The following CACNA1I variants were observed in gnomAD, a reference collection of about 807,000 sequenced individuals.
The protein encoded by CACNA1I is calcium voltage-gated channel subunit alpha1 I.
In CACNA1I, 74 loss-of-function variants were observed where a neutral mutation model predicts 201.6. The observed-to-expected ratio is 0.37, with a 90% CI of 0.30 to 0.45. CACNA1I has a LOEUF of 0.45. CACNA1I is among the 20% of genes least tolerant of loss of function. The pLI, the probability that CACNA1I is intolerant of heterozygous loss-of-function variation, is 1.00. For synonymous variants in CACNA1I, 1,431 were observed against 1,345.2 expected (o/e 1.06, Z -1.40); for missense variants, 2,346 against 3,138.1 (o/e 0.75, Z 6.03).
chr22:39,651,511 A>T (rs941888802), intron 10 of CACNA1I, among the ~76,000 whole-genome samples: 4 of 152,160 alleles, frequency 2.6e-5, no homozygotes, highest in African/African-American at 9.7e-5. Context: ...CAGGGCCCCC[A>T]GGACCCCCTT....
chr22:39,574,590 G>A (rs983038757), intron 1 of CACNA1I, among the ~76,000 whole-genome samples: 1 of 152,122 alleles, frequency 6.6e-6, no homozygotes, highest in Admixed American at 6.5e-5. Context: ...GCTTAAGCTT[G>A]TACTCCTCAA....
At chr22:39,682,767 T>A in intron 35 of CACNA1I, 106 bp downstream of exon 35, 1 of 939,858 alleles carries the variant, frequency 1.1e-6, no homozygotes. Flanking sequence ...CAGATTATTA[T>A]ATTTAGTCCA....
intron 1 of CACNA1I, among the ~76,000 whole-genome samples, chr22:39,588,313 G>C (rs917052702): frequency 1.3e-5 from 2 of 149,112 alleles, no homozygotes; most frequent in African/African-American, 4.9e-5. Flanking sequence ...ATTTTTTATT[G>C]AGGTTAAATG....
chr22:39,670,553 C>A (rs1423697609), intron 25 of CACNA1I, among the ~76,000 whole-genome samples: 1 of 152,208 alleles, frequency 6.6e-6, no homozygotes, highest in African/African-American at 2.4e-5. Context: ...AGAGCTCCTG[C>A]CACAAGCTCA....
chr22:39,658,870 C>T (rs1934906460), intron 11 of CACNA1I, 61 bp from the exon 12 acceptor site: 16 of 1,404,314 alleles, frequency 1.1e-5, no homozygotes, highest in African/African-American at 1.4e-5. Context: ...GTCTTCCTCT[C>T]CCCCTGGCCT....
At chr22:39,585,854 C>T (rs1371575738) in intron 1 of CACNA1I, among the ~76,000 whole-genome samples, 1 of 150,564 alleles carries the variant, frequency 6.6e-6, no homozygotes, top group Non-Finnish European at 1.5e-5. Context: ...CACCACTGCA[C>T]CTGGTTTACT....
intron 1 of CACNA1I, among the ~76,000 whole-genome samples, chr22:39,575,664 C>A (rs1932320887): frequency 6.6e-6 from 1 of 152,188 alleles, no homozygotes; most frequent in African/African-American, 2.4e-5. Flanking sequence ...GCTAATCGAG[C>A]CTGCCGGCAT....
chr22:39,597,257 C>A (rs1212572271), intron 1 of CACNA1I, among the ~76,000 whole-genome samples: 1 of 152,172 alleles, frequency 6.6e-6, no homozygotes, highest in Non-Finnish European at 1.5e-5. Flanking sequence ...CAGCCCTGAG[C>A]TCCTTGAGGC....
intron 10 of CACNA1I, among the ~76,000 whole-genome samples, chr22:39,655,867 C>T (rs889573413): frequency 5.3e-5 from 8 of 152,196 alleles, no homozygotes; most frequent in Admixed American, 3.3e-4. Flanking sequence ...GGAGGAGGCG[C>T]GGGGTGACCT....
intron 4 of CACNA1I, among the ~76,000 whole-genome samples, chr22:39,627,840 C>T (rs1216831385): frequency 6.6e-6 from 1 of 151,684 alleles, no homozygotes; most frequent in African/African-American, 2.4e-5. Flanking sequence ...AAAGGCCTGA[C>T]AGCCCCCATG....
rs1935639822 is a variant in CACNA1I at position 39,679,831 on chromosome 22, C to T, written c.5504C>T (p.Pro1835Leu). 6.2e-7 allele frequency: 1 copy of T among 1,612,924 alleles called. No individual in the cohort carries two copies. Among genetic ancestry groups the T allele is most frequent in the Non-Finnish European group, 8.5e-7 (1 of 1,179,546 alleles). The change falls in exon 33 of 37, where the codon CCT (proline) becomes CTT (leucine). Residue 1835 changes from proline to leucine, a missense_variant. Coordinates refer to ENST00000402142, the MANE Select transcript of CACNA1I (RefSeq NM_021096.4). ...TCCATCTTCCACCACTACTCCTCGC[C>T]TGCCGGCTGCAAGAAGTGTCACCAC... is the stretch of plus-strand genomic sequence containing the variant. ...SGSIFHHYSS[P>L]AGCKKCHHDK...
intron 1 of CACNA1I, chr22:39,571,219 G>A: frequency 1.7e-6 from 1 of 579,048 alleles, no homozygotes; most frequent in Non-Finnish European, 3.1e-6. Context: ...GCTGGTGGCT[G>A]TGGGGTCAGT....
At chr22:39,653,909 G>A (rs1382676359) in intron 10 of CACNA1I, among the ~76,000 whole-genome samples, 1 of 152,212 alleles carries the variant, frequency 6.6e-6, no homozygotes, top group Non-Finnish European at 1.5e-5. Context: ...GGGCCTGTGT[G>A]TGACTCACGA....
In CACNA1I at chr22:39,600,541, A is replaced by C; in HGVS notation, c.370A>C (p.Ile124Leu). 1 of 1,611,790 alleles carries C rather than the reference A, an allele frequency of 6.2e-7. No homozygotes were observed. The highest frequency in any genetic ancestry group is 8.5e-7 in the Non-Finnish European group (1 of 1,179,038). ...GCAGGTCTTTGATGACTTCATCTTT[A>C]TCTTCTTTGCCATGGAGATGGTGCT... ...ILQVFDDFIFIFFAMEMVLKM... is the reference protein window; with the variant it reads ...ILQVFDDFIFLFFAMEMVLKM... The change falls in exon 3 of 37, where the codon ATC becomes CTC. Residue 124 changes from isoleucine to leucine, a missense_variant. Transcript: ENST00000402142.
chr22:39,581,168 C>A lies in CACNA1I; in HGVS notation c.236+10180C>A, dbSNP rs1190813015. On this transcript the variant is annotated intron_variant, in intron 1 of 36. Coordinates refer to ENST00000402142, the MANE Select transcript of CACNA1I (RefSeq NM_021096.4). Reference sequence around the variant, plus strand: ...TGGGGATGCCACAGGAGCCTCCTCCCATGAAGAAGGAAGCCTCAGAGCTAG... The same window carrying A: ...TGGGGATGCCACAGGAGCCTCCTCCAATGAAGAAGGAAGCCTCAGAGCTAG... 2.0e-5 allele frequency among the ~76,000 whole-genome samples: 3 copies of A among 152,148 alleles called. No individual in the cohort carries two copies. In the South Asian group the frequency reaches 6.2e-4, roughly 31 times the overall value.
chr22:39,681,415 G>C (rs1274745586), intron 34 of CACNA1I, among the ~76,000 whole-genome samples: 1 of 152,224 alleles, frequency 6.6e-6, no homozygotes, highest in Non-Finnish European at 1.5e-5. Flanking sequence ...CTATGTGCGG[G>C]GGCGGTCGCG....
intron 35 of CACNA1I, 85 bp downstream of exon 35, chr22:39,682,746 G>A (rs530726309): frequency 1.2e-5 from 14 of 1,194,018 alleles, no homozygotes; most frequent in Admixed American, 5.2e-5. Flanking sequence ...TTTTTCCTTA[G>A]TATTTTTACC....
intron 4 of CACNA1I, among the ~76,000 whole-genome samples, chr22:39,626,919 C>T (rs1244668340): frequency 6.6e-6 from 1 of 152,232 alleles, no homozygotes; most frequent in Non-Finnish European, 1.5e-5. Context: ...ATTTCATCTT[C>T]ACTACAGCTT....
At chr22:39,613,544 A>G (rs552026556) in intron 3 of CACNA1I, among the ~76,000 whole-genome samples, 3 of 152,296 alleles carry the variant, frequency 2.0e-5, no homozygotes, top group African/African-American at 7.2e-5. Flanking sequence ...GTATATGAAC[A>G]TGTTTCAGGT....
Sources: gnomAD v4.1 joint callset for allele counts (sites outside exome capture counted in the v4.1 genomes callset) on GRCh38, gnomAD v4.1.1 for gene constraint, MANE v1.5 for transcripts, NCBI Gene and HGNC (gene_info 2026-07-23, HGNC 2026-07-21) for gene names.